Variants in RFTN2 observed in about 807,000 individuals in gnomAD.
RFTN2 encodes the protein raftlin family member 2.
In RFTN2, 34 loss-of-function variants were observed where a neutral mutation model predicts 52.7. The observed-to-expected ratio is 0.64, with a 90% CI of 0.49 to 0.86. The LOEUF is 0.86. Among genes scored for constraint, RFTN2 ranks in the 40% least tolerant of loss-of-function variants. The pLI, the probability that RFTN2 is intolerant of heterozygous loss-of-function variation, is 0.00. For missense variants in RFTN2, 536 were observed against 600.1 expected (o/e 0.89, Z 1.12); for synonymous variants, 203 against 217.7 (o/e 0.93, Z 0.59).
At chr2:197,628,340 C>G (rs1038784702) in intron 5 of RFTN2, among the ~76,000 whole-genome samples, 1 of 152,026 alleles carries the variant, frequency 6.6e-6, no homozygotes, top group African/African-American at 2.4e-5. Flanking sequence ...ATTCTGCACC[C>G]CCGTCTCCGT....
chr2:197,597,485 A>C (rs2087809737), intron 7 of RFTN2, among the ~76,000 whole-genome samples: 1 of 152,124 alleles, frequency 6.6e-6, no homozygotes, highest in Admixed American at 6.6e-5. Context: ...TGACGCCTTT[A>C]ATCATTTAAT....
intron 8 of RFTN2, among the ~76,000 whole-genome samples, chr2:197,587,661 G>C (rs1286685064): frequency 1.3e-5 from 2 of 152,148 alleles, no homozygotes; most frequent in Admixed American, 1.3e-4. Context: ...GCACCCAGGT[G>C]ATTAAAAAGC....
intron 5 of RFTN2, among the ~76,000 whole-genome samples, chr2:197,619,753 T>TA (rs200158665): frequency 0.032 from 4,363 of 135,476 alleles, 239 homozygotes; most frequent in African/African-American, 0.12. Flanking sequence ...AAAAAAAAAA[T>TA]AATAATAACA....
At chr2:197,609,190 A>T (rs1308136362) in intron 7 of RFTN2, among the ~76,000 whole-genome samples, 2 of 152,164 alleles carry the variant, frequency 1.3e-5, no homozygotes, top group African/African-American at 4.8e-5. Context: ...CTAATTCTAG[A>T]TCCTTGAGGA....
At chr2:197,574,741 G>A (rs1381759498) in intron 8 of RFTN2, among the ~76,000 whole-genome samples, 3 of 152,074 alleles carry the variant, frequency 2.0e-5, no homozygotes, top group Non-Finnish European at 2.9e-5. Flanking sequence ...GGTGGCACAC[G>A]CCTGTAATCC....
At chr2:197,602,307 GT>G (rs2087892585) in intron 7 of RFTN2, among the ~76,000 whole-genome samples, 1 of 152,132 alleles carries the variant, frequency 6.6e-6, no homozygotes, top group South Asian at 2.1e-4. Context: ...CTTACCTCAG[GT>G]GATCTGTCTG....
chr2:197,601,034 G>A (rs941527321), intron 7 of RFTN2, among the ~76,000 whole-genome samples: 3 of 152,162 alleles, frequency 2.0e-5, no homozygotes, highest in African/African-American at 7.2e-5. Flanking sequence ...CTGGTGCTGT[G>A]GTCAGCACGA....
chr2:197,586,774 A>G (rs930429345), intron 8 of RFTN2, among the ~76,000 whole-genome samples: 6 of 152,206 alleles, frequency 3.9e-5, no homozygotes, highest in African/African-American at 1.4e-4. Context: ...TCAGTCCTTC[A>G]GGCCCAAGTG....
At chr2:197,652,128 G>A (rs1327802721) in intron 1 of RFTN2, among the ~76,000 whole-genome samples, 2 of 152,334 alleles carry the variant, frequency 1.3e-5, no homozygotes, top group East Asian at 3.9e-4. Context: ...TGATGTGCTT[G>A]TCAATACCTG....
intron 1 of RFTN2, among the ~76,000 whole-genome samples, chr2:197,665,168 A>G (rs911216857): frequency 2.0e-5 from 3 of 152,218 alleles, no homozygotes; most frequent in Non-Finnish European, 4.4e-5. Flanking sequence ...ATTATTTTAA[A>G]AAGTTACTAA....
intron 8 of RFTN2, among the ~76,000 whole-genome samples, chr2:197,579,994 G>A (rs567942627): frequency 2.6e-5 from 4 of 151,876 alleles, no homozygotes; most frequent in African/African-American, 9.7e-5. Context: ...TTCTTTATCC[G>A]ACCTCTCCCA....
chr2:197,641,413 A>C (rs1322543128), intron 3 of RFTN2, among the ~76,000 whole-genome samples: 1 of 152,190 alleles, frequency 6.6e-6, no homozygotes, highest in East Asian at 1.9e-4. Context: ...GGGAGAGAAG[A>C]AGAGGGAGGG....
chr2:197,591,430 C>T (rs2087710792), intron 8 of RFTN2, among the ~76,000 whole-genome samples: 1 of 152,224 alleles, frequency 6.6e-6, no homozygotes, highest in African/African-American at 2.4e-5. Flanking sequence ...TATTTACAAT[C>T]CCTTAGCTAG....
chr2:197,588,216 C>T (rs2087632676), intron 8 of RFTN2, among the ~76,000 whole-genome samples: 1 of 152,194 alleles, frequency 6.6e-6, no homozygotes, highest in African/African-American at 2.4e-5. Flanking sequence ...ATTTTTTTCT[C>T]TCTCTACATA....
intron 7 of RFTN2, among the ~76,000 whole-genome samples, chr2:197,596,447 A>G (rs1316322733): frequency 1.3e-5 from 2 of 152,122 alleles, no homozygotes; most frequent in African/African-American, 2.4e-5. Flanking sequence ...TTTTGTTTCT[A>G]TGCCCTTCAC....
At chr2:197,640,267 T>C (rs1346109806) in intron 3 of RFTN2, among the ~76,000 whole-genome samples, 1 of 152,094 alleles carries the variant, frequency 6.6e-6, no homozygotes, top group Non-Finnish European at 1.5e-5. Context: ...CTCCACCCAG[T>C]TGGAGCTTCC....
rs1225425798 is a variant in RFTN2 at position 197,629,699 on chromosome 2, C to CA, written c.928+1311dup. ...ATACACACACACACACACACACACA[C>CA]ATATTTATTTTATTTTATTTTATTT... On this transcript the variant is annotated intron_variant, in intron 5 of 8. Transcript: ENST00000295049. 1.5e-3 allele frequency among the ~76,000 whole-genome samples: 175 copies of CA among 113,686 alleles called. 3 individuals carry two copies. The highest frequency in any genetic ancestry group is 4.6e-3 in the African/African-American group (164 of 35,286). 74.6% of individuals were successfully genotyped at this position (113,686 alleles called of 152,430 possible).
intron 8 of RFTN2, among the ~76,000 whole-genome samples, chr2:197,576,692 A>G (rs1317590990): frequency 6.6e-6 from 1 of 152,198 alleles, no homozygotes; most frequent in African/African-American, 2.4e-5. Flanking sequence ...CAGCTTTATT[A>G]AAGGGGATTT....
chr2:197,588,034 G>A (rs1284496232), intron 8 of RFTN2: 1 of 468,658 alleles, frequency 2.1e-6, no homozygotes, highest in Non-Finnish European at 4.4e-6. Context: ...GCAAAAATAT[G>A]AGTAGATTTG....
Sources: gnomAD v4.1 joint callset for allele counts (sites outside exome capture counted in the v4.1 genomes callset) on GRCh38, gnomAD v4.1.1 for gene constraint, MANE v1.5 for transcripts, NCBI Gene and HGNC (gene_info 2026-07-23, HGNC 2026-07-21) for gene names.